The following BRDT variants were observed in gnomAD, a reference collection of about 807,000 sequenced individuals.
BRDT encodes the protein bromodomain testis associated, also known as bromodomain testis-specific protein.
Under a neutral mutation model 113.9 loss-of-function variants are expected in BRDT, and 77 were observed. The ratio of observed to expected loss-of-function variants is 0.68; its 90% CI spans 0.56 to 0.82. The LOEUF is 0.82. Among genes scored for constraint, BRDT ranks in the 40% least tolerant of loss-of-function variants. The pLI is 0.00. For missense variants in BRDT, 1,027 were observed against 1,105.4 expected (o/e 0.93, Z 1.01); for synonymous variants, 358 against 366.5 (o/e 0.98, Z 0.26).
At chr1:91,983,084 CAG>C (rs917487819) in intron 12 of BRDT, among the ~76,000 whole-genome samples, 1 of 152,002 alleles carries the variant, frequency 6.6e-6, no homozygotes, top group Non-Finnish European at 1.5e-5. Context: ...CAATATAATA[CAG>C]AGTTTTCAAT....
chr1:91,997,599 T>C (rs1282972584), intron 15 of BRDT, among the ~76,000 whole-genome samples: 1 of 152,202 alleles, frequency 6.6e-6, no homozygotes, highest in Non-Finnish European at 1.5e-5. Context: ...ATTCCTAATT[T>C]AAGAAAACAC....
At chr1:91,953,427 C>G (rs1417856389) in intron 1 of BRDT, among the ~76,000 whole-genome samples, 1 of 152,178 alleles carries the variant, frequency 6.6e-6, no homozygotes, top group Non-Finnish European at 1.5e-5. Flanking sequence ...CGCCTGTAAT[C>G]CCAGCTCTTT....
At chr1:91,994,293 T>A (rs1570600765) in intron 15 of BRDT, 39 bp downstream of exon 15, 1 of 1,503,588 alleles carries the variant, frequency 6.7e-7, no homozygotes, top group East Asian at 2.3e-5. Context: ...ATTGAGAAAT[T>A]GACTTCTAAA....
Position 91,976,553 on chromosome 1 carries a change from A to G in BRDT, c.618+115A>G, listed in dbSNP as rs565366776. 1.3e-5 allele frequency: 13 copies of G among 1,000,118 alleles called. No homozygotes were observed. The South Asian group carries it at 1.7e-4, about 13-fold the overall frequency. The allele number at this position is 1,000,118 out of a possible 1,614,324, so 62.0% of individuals were successfully genotyped here. On this transcript the variant is annotated intron_variant, in intron 5 of 18. Transcript: ENST00000399546. ...ATTTTTCTTTTTTAATTCATTTAGCATCTAGCAATCTGAAATAATACTGTT... is the reference window on the plus strand; with the variant it reads ...ATTTTTCTTTTTTAATTCATTTAGCGTCTAGCAATCTGAAATAATACTGTT...
At chr1:91,981,450 G>T in intron 11 of BRDT, 69 bp downstream of exon 11, 1 of 1,498,968 alleles carries the variant, frequency 6.7e-7, no homozygotes. Flanking sequence ...TTGTGATATT[G>T]CCCAGGCTGG....
intron 3 of BRDT, among the ~76,000 whole-genome samples, chr1:91,966,462 G>A (rs1683069998): frequency 6.6e-6 from 1 of 152,068 alleles, no homozygotes; most frequent in Admixed American, 6.6e-5. Context: ...GATCTCCTGG[G>A]CTCAAGTGAT....
intron 3 of BRDT, among the ~76,000 whole-genome samples, chr1:91,967,148 T>C (rs1031979949): frequency 5.9e-5 from 9 of 152,238 alleles, no homozygotes; most frequent in African/African-American, 1.7e-4. Flanking sequence ...ATTAATTAGT[T>C]AATTAAACAG....
At chr1:91,984,270 C>T (rs1684994864) in intron 12 of BRDT, among the ~76,000 whole-genome samples, 1 of 151,854 alleles carries the variant, frequency 6.6e-6, no homozygotes, top group Non-Finnish European at 1.5e-5. Context: ...TCAGTTGCAG[C>T]TGTTATTTTA....
intron 2 of BRDT, among the ~76,000 whole-genome samples, chr1:91,963,807 A>G (rs767928363): frequency 4.9e-4 from 33 of 67,176 alleles, no homozygotes; most frequent in South Asian, 1.7e-3. Context: ...TTTTTTTTTT[A>G]GCATCTAAAA....
At chr1:91,976,026 C>T (rs560327350) in intron 4 of BRDT, among the ~76,000 whole-genome samples, 51 of 152,242 alleles carry the variant, frequency 3.3e-4, no homozygotes, top group Non-Finnish European at 4.1e-4. Context: ...TGGTTTAAGC[C>T]AGGCACCTTT....
rs765004938 is a variant in BRDT, at chr1:91,951,472, C to CG, written c.-38+1797dup. On this transcript the variant is annotated intron_variant, in intron 1 of 18. Transcript: ENST00000399546. ...GGCATAAGGCGGGGCGGCAGGGTGGCGGGGGGGCGTGTATAGATGGAATTA... is the reference window on the plus strand; with the variant it reads ...GGCATAAGGCGGGGCGGCAGGGTGGCGGGGGGGGCGTGTATAGATGGAATTA... Among the ~76,000 whole-genome samples the CG allele has an allele frequency of 7.5e-5, 11 of 147,458 alleles. No homozygotes were observed. The East Asian group carries it at 7.9e-4, about 11-fold the overall frequency.
At chr1:91,954,953 C>A (rs1284658769) in intron 1 of BRDT, among the ~76,000 whole-genome samples, 1 of 151,494 alleles carries the variant, frequency 6.6e-6, no homozygotes, top group Admixed American at 6.6e-5. Context: ...AAAGCAAGAC[C>A]CTGTCTGAAC....
chr1:91,981,803 T>C (rs945371373), intron 12 of BRDT, 48 bp downstream of exon 12: 1 of 1,508,678 alleles, frequency 6.6e-7, no homozygotes, highest in East Asian at 2.4e-5. Flanking sequence ...GCACTTTTTT[T>C]CCTGTAATAT....
intron 4 of BRDT, among the ~76,000 whole-genome samples, chr1:91,974,019 A>G (rs1044371180): frequency 6.6e-5 from 10 of 152,230 alleles, no homozygotes; most frequent in Admixed American, 2.0e-4. Context: ...AAACCTGACA[A>G]AAACAAGAAA....
chr1:91,976,313 C>T lies in BRDT; in HGVS notation c.493C>T (p.Pro165Ser), dbSNP rs774177826. 3 of 1,611,666 alleles carry T rather than the reference C, an allele frequency of 1.9e-6. No individual in the cohort carries two copies. Among genetic ancestry groups the T allele is most frequent in the South Asian group, 2.2e-5 (2 of 90,504 alleles). The change falls in exon 5 of 19, where the codon CCC becomes TCC. Residue 165 changes from proline to serine, a missense_variant. Transcript: ENST00000399546. ...AVSSAKEKSS[P>S]SATEKVFKQQ... ...TTCTTCTGCTAAAGAAAAATCATCA[C>T]CCAGCGCAACAGAAAAAGTATTTAA...
At chr1:91,991,148 A>G in intron 12 of BRDT, 36 bp from the exon 13 acceptor site, 2 of 1,314,394 alleles carry the variant, frequency 1.5e-6, no homozygotes, top group Non-Finnish European at 2.1e-6. Context: ...TTTTAAGCTA[A>G]TAAATATTAA....
At chr1:91,951,636 T>C (rs1476669859) in intron 1 of BRDT, among the ~76,000 whole-genome samples, 1 of 145,352 alleles carries the variant, frequency 6.9e-6, no homozygotes, top group Admixed American at 6.9e-5. Flanking sequence ...TAGCCGGGCG[T>C]GGTGGCACGC....
intron 14 of BRDT, among the ~76,000 whole-genome samples, chr1:91,992,536 T>C (rs1315920938): frequency 6.6e-6 from 1 of 151,864 alleles, no homozygotes; most frequent in Non-Finnish European, 1.5e-5. Context: ...TACATATATA[T>C]ATTTTGTTGT....
Position 91,977,340 on chromosome 1 carries a change from C to T in BRDT, c.916C>T (p.Leu306Phe). 6.2e-7 allele frequency: 1 copy of T among 1,612,876 alleles called. No individual in the cohort carries two copies. The highest frequency in any genetic ancestry group is 1.1e-5 in the South Asian group (1 of 90,594). Residue 306 changes from leucine to phenylalanine, a missense_variant, in exon 6 of 19, where the codon CTC becomes TTC. Physicochemically the swap from Leu to Phe is conservative, Grantham distance 22. Transcript: ENST00000399546. ...YNPVDVNALG[L>F]HNYYDVVKNP... ...TCCTGTTGACGTTAATGCTTTGGGACTCCATAACTACTATGACGTTGTCAA... is the reference window on the plus strand; with the variant it reads ...TCCTGTTGACGTTAATGCTTTGGGATTCCATAACTACTATGACGTTGTCAA...
Sources: allele counts gnomAD v4.1 joint callset (sites outside exome capture counted in the v4.1 genomes callset), GRCh38; gene constraint gnomAD v4.1.1; transcripts MANE v1.5; gene names NCBI Gene and HGNC (gene_info 2026-07-23, HGNC 2026-07-21).